BATF3: variants seen among roughly 807,000 people sequenced by gnomAD.
BATF3 encodes basic leucine zipper transcriptional factor ATF-like 3.
In BATF3, 8 loss-of-function variants were observed where a neutral mutation model predicts 16.1. The ratio of observed to expected loss-of-function variants is 0.50; its 90% CI spans 0.29 to 0.90. BATF3 has a LOEUF of 0.90. BATF3 is among the 40% of genes least tolerant of loss of function. The pLI is 0.08. For synonymous variants in BATF3, 74 were observed against 72.7 expected, an observed-to-expected ratio of 1.02 and a Z score of -0.09; for missense variants, 139 against 167.0, an observed-to-expected ratio of 0.83 and a Z score of 0.92.
Position 212,689,982 on chromosome 1 carries a change from A to C in BATF3, c.196-3003T>G, listed in dbSNP as rs1293083861. Among the ~76,000 whole-genome samples the C allele has an allele frequency of 2.0e-5, 3 of 151,706 alleles. No individual in the cohort carries two copies. The highest frequency in any genetic ancestry group is 4.4e-5 in the Non-Finnish European group (3 of 67,908). On this transcript the variant is annotated intron_variant, in intron 2 of 2. Transcript: ENST00000243440. The surrounding 1 kb of genome is among the most constrained non-coding windows in gnomAD (Gnocchi z 4.6). ...AACACTCTCACAGTCACACACATAC[A>C]GTCATACACACATACATACACCTCA...
Position 212,696,286 on chromosome 1 carries a change from G to A in BATF3, c.195+675C>T, listed in dbSNP as rs535861410. 5.3e-5 allele frequency among the ~76,000 whole-genome samples: 8 copies of A among 152,344 alleles called. No homozygotes were observed. The South Asian group carries it at 1.7e-3, about 32-fold the overall frequency. ...GAAATGTGGTCTTTTAGAAGCAAAA[G>A]AGGGGAAAGCTTTAAGAAGAGATGG... On this transcript the variant is annotated intron_variant, in intron 2 of 2. Coordinates refer to ENST00000243440, the MANE Select transcript of BATF3 (RefSeq NM_018664.3).
chr1:212,690,004 C>T (rs1236226069), intron 2 of BATF3, among the ~76,000 whole-genome samples: 3 of 151,732 alleles, frequency 2.0e-5, no homozygotes, highest in Non-Finnish European at 4.4e-5. Context: ...ATACATACAC[C>T]TCACACAGTC....
Position 212,686,531 on chromosome 1 carries a change from C to G in BATF3, c.*260G>C, listed in dbSNP as rs1043548343. Reference sequence around the variant, plus strand: ...GAAATGGCTCTGCATAACAGCAGAACCTACTAGCTGCCAGGGTGGATGAGA... The same window carrying G: ...GAAATGGCTCTGCATAACAGCAGAAGCTACTAGCTGCCAGGGTGGATGAGA... On this transcript the variant is annotated 3_prime_UTR_variant, in exon 3 of 3. Transcript: ENST00000243440. 2.4e-5 allele frequency: 12 copies of G among 498,366 alleles called. No homozygotes were observed. Among genetic ancestry groups the G allele is most frequent in the Non-Finnish European group, 3.6e-5 (10 of 280,520 alleles). The allele number at this position is 498,366 out of a possible 1,614,324, so 30.9% of individuals were successfully genotyped here.
At chr1:212,692,071 C>A (rs1657012650) in intron 2 of BATF3, among the ~76,000 whole-genome samples, 1 of 152,234 alleles carries the variant, frequency 6.6e-6, no homozygotes, top group Non-Finnish European at 1.5e-5. Context: ...GAAGGGGAAC[C>A]CCAGCCCCTG....
chr1:212,693,534 A>AG (rs973971949), intron 2 of BATF3, among the ~76,000 whole-genome samples: 1 of 152,148 alleles, frequency 6.6e-6, no homozygotes, highest in African/African-American at 2.4e-5. Context: ...AGAGAGGAGA[A>AG]GGGGGTGCTC....
At position 212,689,829 on chromosome 1, in the gene BATF3, A is replaced by G. The variant is rs905466885; in HGVS notation, c.196-2850T>C. 2.0e-5 allele frequency among the ~76,000 whole-genome samples: 3 copies of G among 151,506 alleles called. No individual in the cohort carries two copies. The highest frequency in any genetic ancestry group is 4.4e-5 in the Non-Finnish European group (3 of 67,898). ...CAGCCCGACACACACACTCTCACAC[A>G]CACACACTCATACACAACCACAGAC... On this transcript the variant is annotated intron_variant, in intron 2 of 2. Coordinates refer to ENST00000243440, the MANE Select transcript of BATF3 (RefSeq NM_018664.3). The surrounding 1 kb of genome is among the most constrained non-coding windows in gnomAD (Gnocchi z 4.6).
chr1:212,698,149 C>T (rs1657176144), intron 1 of BATF3: 1 of 152,058 alleles, frequency 6.6e-6, no homozygotes, highest in Non-Finnish European at 1.5e-5. Flanking sequence ...CAAATAGAAG[C>T]TTAAGGGAAC....
chr1:212,689,429 C>T lies in BATF3; in HGVS notation c.196-2450G>A, dbSNP rs1254599742. On this transcript the variant is annotated intron_variant, in intron 2 of 2. Coordinates refer to ENST00000243440, the MANE Select transcript of BATF3 (RefSeq NM_018664.3). This position sits in a 1 kb window ranked among gnomAD's most constrained non-coding sequence, Gnocchi z 4.6. ...CTGGAGCACTCTCCAGGGCAGCAAG[C>T]TGTTCTGGGGCCATGTGGCTTCACC... Among the ~76,000 whole-genome samples, 1 of 152,202 alleles carries T rather than the reference C, an allele frequency of 6.6e-6. No homozygotes were observed. The highest frequency in any genetic ancestry group is 6.5e-5 in the Admixed American group (1 of 15,286).
intron 1 of BATF3, chr1:212,697,996 A>T (rs949102779): frequency 6.6e-6 from 1 of 152,244 alleles, no homozygotes; most frequent in Admixed American, 6.5e-5. Context: ...TAATAACACA[A>T]AAAAGGATAT....
At chr1:212,696,827 G>A in intron 2 of BATF3, 134 bp downstream of exon 2, 1 of 690,562 alleles carries the variant, frequency 1.4e-6, no homozygotes, top group South Asian at 1.7e-5. Context: ...GAGAACACTG[G>A]GCTGGAAGGA....
In BATF3 at chr1:212,699,340, C is replaced by T. The variant is rs1657208926; in HGVS notation, c.90+333G>A. On this transcript the variant is annotated intron_variant, in intron 1 of 2. Coordinates refer to ENST00000243440, the MANE Select transcript of BATF3 (RefSeq NM_018664.3). The surrounding 1 kb of genome is among the most constrained non-coding windows in gnomAD (Gnocchi z 4.4). ...CGCTGGCTGCGCCAGGATGGGGCGG[C>T]CCTCAGGGCAGTGCGGAGCCCACGT... Among the ~76,000 whole-genome samples the T allele has an allele frequency of 6.6e-6, 1 of 152,152 alleles. No individual in the cohort carries two copies. The highest frequency in any genetic ancestry group is 6.5e-5 in the Admixed American group (1 of 15,290).
At chr1:212,695,376 TC>T (rs1164134911) in intron 2 of BATF3, among the ~76,000 whole-genome samples, 1 of 149,576 alleles carries the variant, frequency 6.7e-6, no homozygotes, top group African/African-American at 2.5e-5. Context: ...CGCCTGTAGT[TC>T]CAGCTACTCG....
chr1:212,690,328 T>TC (rs1344110809), intron 2 of BATF3, among the ~76,000 whole-genome samples: 1 of 152,172 alleles, frequency 6.6e-6, no homozygotes, highest in Non-Finnish European at 1.5e-5. Context: ...TTCCCTGAGG[T>TC]CCACTGCCCT....
rs1656942204 is a variant in BATF3 at position 212,689,475 on chromosome 1, C to T, written c.196-2496G>A. On this transcript the variant is annotated intron_variant, in intron 2 of 2. Transcript: ENST00000243440. This position sits in a 1 kb window ranked among gnomAD's most constrained non-coding sequence, Gnocchi z 4.6. ...TCACCAGTACACTGGCCCCATTCTGCCTCTATCCTCCTCCCTGCCTCCCAC... is the reference window on the plus strand; with the variant it reads ...TCACCAGTACACTGGCCCCATTCTGTCTCTATCCTCCTCCCTGCCTCCCAC... Among the ~76,000 whole-genome samples the T allele has an allele frequency of 6.6e-6, 1 of 152,178 alleles. No homozygotes were observed. The highest frequency in any genetic ancestry group is 2.4e-5 in the African/African-American group (1 of 41,432).
intron 2 of BATF3, among the ~76,000 whole-genome samples, chr1:212,690,327 G>A (rs1228057702): frequency 6.6e-6 from 1 of 152,196 alleles, no homozygotes; most frequent in Non-Finnish European, 1.5e-5. Flanking sequence ...CTTCCCTGAG[G>A]TCCACTGCCC....
intron 2 of BATF3, among the ~76,000 whole-genome samples, chr1:212,693,081 C>T (rs1657039141): frequency 6.6e-6 from 1 of 152,188 alleles, no homozygotes. Context: ...CAGTAGTGTG[C>T]AAGGCGCTCT....
intron 2 of BATF3, among the ~76,000 whole-genome samples, chr1:212,688,419 A>G (rs1359389894): frequency 6.6e-6 from 1 of 152,232 alleles, no homozygotes; most frequent in Non-Finnish European, 1.5e-5. Flanking sequence ...ATTCTCTCTG[A>G]GCCTGCAGAG....
chr1:212,688,169 T>A lies in BATF3; in HGVS notation c.196-1190A>T, dbSNP rs76121571. 4.3e-3 allele frequency among the ~76,000 whole-genome samples: 654 copies of A among 152,180 alleles called. 5 individuals are homozygous for A. Among genetic ancestry groups the A allele is most frequent in the African/African-American group, 0.015 (637 of 41,506 alleles). The stretch of plus-strand genomic sequence containing the variant: ...ATTTAATAGAACCACATCTAGTAGA[T>A]CCAATGCTTTTTTCAATATCGCAGT... On this transcript the variant is annotated intron_variant, in intron 2 of 2. Coordinates refer to ENST00000243440, the MANE Select transcript of BATF3 (RefSeq NM_018664.3).
At chr1:212,691,127 C>T (rs1571833722) in intron 2 of BATF3, among the ~76,000 whole-genome samples, 1 of 152,052 alleles carries the variant, frequency 6.6e-6, no homozygotes, top group East Asian at 1.9e-4. Flanking sequence ...CTGGGATCAA[C>T]GGGCTGCCTA....
Sources: allele counts gnomAD v4.1 joint callset (sites outside exome capture counted in the v4.1 genomes callset), GRCh38; gene constraint gnomAD v4.1.1; non-coding constraint Gnocchi (gnomAD v3.1); transcripts MANE v1.5; gene names NCBI Gene and HGNC (gene_info 2026-07-23, HGNC 2026-07-21).